SAXO1: variants seen among roughly 807,000 people sequenced by gnomAD.
The protein encoded by SAXO1 is 4930500O09Rik.
A neutral mutation model predicts 17.5 loss-of-function variants in SAXO1; 21 were observed. The observed-to-expected ratio is 1.20, with a 90% CI of 0.85 to 1.72. SAXO1 has a LOEUF of 1.72. Among genes scored for constraint, SAXO1 ranks in the 40% most tolerant of loss-of-function variants. SAXO1 has a pLI of 0.00. For missense variants in SAXO1, 843 were observed against 596.0 expected, an observed-to-expected ratio of 1.41 and a Z score of -4.32; for synonymous variants, 274 against 216.5, an observed-to-expected ratio of 1.27 and a Z score of -2.33.
At chr9:18,939,382 AAGAC>A (rs1831450853) in intron 3 of SAXO1, among the ~76,000 whole-genome samples, 1 of 152,208 alleles carries the variant, frequency 6.6e-6, no homozygotes, top group Non-Finnish European at 1.5e-5. Flanking sequence ...GGGAAAGAAA[AAGAC>A]AAACAGATCC....
chr9:18,935,613 C>T (rs552118416), intron 3 of SAXO1, among the ~76,000 whole-genome samples: 1 of 152,296 alleles, frequency 6.6e-6, no homozygotes, highest in South Asian at 2.1e-4. Flanking sequence ...CCCATATGCA[C>T]AGCCTTCCCG....
chr9:19,007,096 C>G (rs1439263666), intron 1 of SAXO1, among the ~76,000 whole-genome samples: 1 of 151,576 alleles, frequency 6.6e-6, no homozygotes, highest in Non-Finnish European at 1.5e-5. Context: ...TGCCTGTAAT[C>G]CCAGCACTTT....
intron 1 of SAXO1, among the ~76,000 whole-genome samples, chr9:18,979,376 C>T (rs1007292212): frequency 2.0e-5 from 3 of 152,150 alleles, no homozygotes; most frequent in Non-Finnish European, 4.4e-5. Context: ...ATAAACTCAG[C>T]CTTTGTGAGG....
At chr9:18,989,159 T>C (rs556218214) in intron 1 of SAXO1, among the ~76,000 whole-genome samples, 2 of 152,318 alleles carry the variant, frequency 1.3e-5, no homozygotes, top group East Asian at 1.9e-4. Context: ...CTCCTTTTAA[T>C]GGCATCATCT....
At chr9:18,933,542 C>T (rs1831146215) in intron 3 of SAXO1, among the ~76,000 whole-genome samples, 1 of 152,076 alleles carries the variant, frequency 6.6e-6, no homozygotes, top group African/African-American at 2.4e-5. Context: ...CCCTTTTAGC[C>T]TGAAGGATTT....
intron 1 of SAXO1, among the ~76,000 whole-genome samples, chr9:18,998,170 C>T (rs1834090893): frequency 6.6e-6 from 1 of 152,046 alleles, no homozygotes; most frequent in African/African-American, 2.4e-5. Flanking sequence ...CTTCTCCCAG[C>T]TAAAGGAGTA....
chr9:19,002,903 C>T (rs187409416), intron 1 of SAXO1, among the ~76,000 whole-genome samples: 76 of 152,252 alleles, frequency 5.0e-4, no homozygotes, highest in African/African-American at 1.6e-3. Context: ...GGCAATCAGG[C>T]AAGAGAAAGA....
intron 1 of SAXO1, among the ~76,000 whole-genome samples, chr9:19,024,773 G>A (rs564502049): frequency 6.7e-4 from 102 of 151,884 alleles, no homozygotes; most frequent in African/African-American, 2.3e-3. Context: ...TTCATCTAAG[G>A]GTAGCTGTTT....
chr9:18,975,627 G>C (rs1326230695), intron 1 of SAXO1, among the ~76,000 whole-genome samples: 3 of 152,220 alleles, frequency 2.0e-5, no homozygotes, highest in African/African-American at 4.8e-5. Flanking sequence ...AGTGACTAGT[G>C]AGAAGGCCTC....
intron 3 of SAXO1, among the ~76,000 whole-genome samples, chr9:18,938,772 G>A (rs1831411083): frequency 6.6e-6 from 1 of 151,808 alleles, no homozygotes; most frequent in Non-Finnish European, 1.5e-5. Flanking sequence ...CAGTGAAAGA[G>A]ATTAAACAAA....
chr9:18,966,167 C>T (rs1832708658), intron 1 of SAXO1, among the ~76,000 whole-genome samples: 1 of 152,072 alleles, frequency 6.6e-6, no homozygotes, highest in African/African-American at 2.4e-5. Context: ...CTCTGGATGC[C>T]CTTAACATTT....
At chr9:19,014,490 A>T (rs967360111) in intron 1 of SAXO1, among the ~76,000 whole-genome samples, 9 of 147,930 alleles carry the variant, frequency 6.1e-5, no homozygotes, top group African/African-American at 2.2e-4. Context: ...TAATTAATTA[A>T]ATTTTAAAAA....
At chr9:18,976,211 G>A (rs570324369) in intron 1 of SAXO1, among the ~76,000 whole-genome samples, 174 of 152,300 alleles carry the variant, frequency 1.1e-3, no homozygotes, top group Non-Finnish European at 1.6e-3. Flanking sequence ...GCTGAGTACT[G>A]AGTAGAGTAG....
At chr9:18,961,699 G>A (rs553158761) in intron 1 of SAXO1, among the ~76,000 whole-genome samples, 183 of 152,272 alleles carry the variant, frequency 1.2e-3, no homozygotes, top group African/African-American at 4.3e-3. Flanking sequence ...AGTATTCCAT[G>A]GTGTATATGT....
rs773432651 is a variant in SAXO1, at chr9:18,950,852, G to A, written c.124C>T (p.Pro42Ser). The A allele has an allele frequency of 7.4e-6, 12 of 1,613,326 alleles. No homozygotes were observed. In the Admixed American group the frequency reaches 8.3e-5, roughly 11 times the overall value. Residue 42 changes from proline (P) to serine (S), a missense_variant, in exon 2 of 4, where the codon CCT becomes TCT. Transcript: ENST00000380534. Reference sequence around the variant, plus strand: ...CTGGGCAGGTAGGAGTGATAGAAAGGGTAGTTCTCGGTATATTCGGAGAGA... The same window carrying A: ...CTGGGCAGGTAGGAGTGATAGAAAGAGTAGTTCTCGGTATATTCGGAGAGA... ...CLLSEYTENYPFYHSYLPRES... is the reference protein window; with the variant it reads ...CLLSEYTENYSFYHSYLPRES...
In SAXO1 at chr9:18,996,425, C is replaced by G. The variant is rs114380420; in HGVS notation, c.38+36446G>C. On this transcript the variant is annotated intron_variant, in intron 1 of 3. Coordinates refer to ENST00000380534, the MANE Select transcript of SAXO1 (RefSeq NM_153707.4). ...CTAGGCTATATGGTATAACCTATTG[C>G]TCCTAGGCTGTAAGCCTGTACAGCA... Among the ~76,000 whole-genome samples the G allele has an allele frequency of 3.2e-3, 483 of 152,352 alleles. 2 individuals carry two copies. Among genetic ancestry groups the G allele is most frequent in the African/African-American group, 0.011 (445 of 41,574 alleles).
At chr9:19,004,628 A>G (rs1834415904) in intron 1 of SAXO1, among the ~76,000 whole-genome samples, 1 of 152,196 alleles carries the variant, frequency 6.6e-6, no homozygotes, top group Non-Finnish European at 1.5e-5. Context: ...GGAAAACCAA[A>G]CACCACAACT....
At chr9:18,970,803 G>T (rs1302894767) in intron 1 of SAXO1, among the ~76,000 whole-genome samples, 1 of 152,214 alleles carries the variant, frequency 6.6e-6, no homozygotes, top group Non-Finnish European at 1.5e-5. Context: ...AAGTCCTGGA[G>T]TCCTCAAGTG....
intron 1 of SAXO1, among the ~76,000 whole-genome samples, chr9:18,983,044 C>T (rs528777752): frequency 4.3e-4 from 65 of 150,868 alleles, no homozygotes; most frequent in African/African-American, 1.6e-3. Flanking sequence ...GTTAGCCAGA[C>T]GGACCATTAG....
Sources: gnomAD v4.1 joint callset for allele counts (sites outside exome capture counted in the v4.1 genomes callset) on GRCh38, gnomAD v4.1.1 for gene constraint, MANE v1.5 for transcripts, NCBI Gene and HGNC (gene_info 2026-07-23, HGNC 2026-07-21) for gene names.